Variants in MEI4 observed in about 807,000 individuals in gnomAD.
The protein encoded by MEI4 is meiosis-specific protein MEI4.
MEI4 carries 27 observed loss-of-function variants against 31.4 expected under a neutral mutation model. The observed-to-expected ratio is 0.86, with a 90% CI of 0.63 to 1.19. The LOEUF (loss-of-function observed/expected upper bound fraction) is 1.19, where lower values mean the gene tolerates loss of function less well. MEI4 is among the 50% of genes most tolerant of loss of function. The probability of loss-of-function intolerance (pLI) is 0.00; values close to 1 mark genes in which losing one functional copy is unlikely to be tolerated. For synonymous variants in MEI4, 122 were observed against 145.4 expected (o/e 0.84, Z 1.16); for missense variants, 329 against 398.9 (o/e 0.82, Z 1.49).
rs1317337500 is a variant in MEI4 at position 77,924,108 on chromosome 6, A to G, written c.*762A>G. 1 of 151,822 alleles carries G rather than the reference A, an allele frequency of 6.6e-6. No individual in the cohort carries two copies. The highest frequency in any genetic ancestry group is 2.1e-4 in the South Asian group (1 of 4,828). The allele number at this position is 151,822 out of a possible 1,614,324, so 9.4% of individuals were successfully genotyped here. On this transcript the variant is annotated 3_prime_UTR_variant, in exon 5 of 5. Transcript: ENST00000684080. ...TAATATCCATCTAAAAGTGAAATTT[A>G]TAGTTATTTGGTGGAATTTTTCAGT...
At chr6:77,678,554 A>ACAATGTTATAGCCCCAGCACATTGCGTAC (rs58196034) in intron 1 of MEI4, among the ~76,000 whole-genome samples, 2 of 151,934 alleles carry the variant, frequency 1.3e-5, no homozygotes, top group Non-Finnish European at 2.9e-5. Context: ...AGGAGCCATC[A>ACAATGTTATAGCCCCAGCACATTGCGTAC]ATGTTTGTGG....
At chr6:77,651,374 T>G (rs1768295159), upstream of MEI4, among the ~76,000 whole-genome samples, 1 of 152,218 alleles carries the variant, frequency 6.6e-6, no homozygotes, top group Admixed American at 6.5e-5. Context: ...GGTTTTAAAG[T>G]CTGGAATTGC....
At chr6:77,807,152 T>C (rs942597353) in intron 3 of MEI4, among the ~76,000 whole-genome samples, 6 of 152,046 alleles carry the variant, frequency 3.9e-5, no homozygotes, top group Admixed American at 1.3e-4. Flanking sequence ...CATAAGTTTT[T>C]TTTTTTTTTT....
chr6:77,742,130 A>G (rs974272203), intron 2 of MEI4, among the ~76,000 whole-genome samples: 22 of 152,116 alleles, frequency 1.4e-4, no homozygotes, highest in Non-Finnish European at 2.9e-5. Context: ...TTTGGGGTAT[A>G]TACCCAGTAG....
intron 4 of MEI4, among the ~76,000 whole-genome samples, chr6:77,831,201 A>G (rs1201134483): frequency 1.3e-5 from 2 of 151,858 alleles, no homozygotes; most frequent in Non-Finnish European, 2.9e-5. Flanking sequence ...AATCAAAACC[A>G]CAATGAGATA....
chr6:77,790,171 C>T (rs1182344139), intron 3 of MEI4, among the ~76,000 whole-genome samples: 1 of 148,154 alleles, frequency 6.7e-6, no homozygotes, highest in Non-Finnish European at 1.5e-5. Flanking sequence ...GCAAACACCG[C>T]ATGTTCTCAC....
chr6:77,816,354 C>T (rs952411048), intron 3 of MEI4, among the ~76,000 whole-genome samples: 7 of 152,038 alleles, frequency 4.6e-5, no homozygotes, highest in Non-Finnish European at 7.4e-5. Flanking sequence ...TTAATTTAAT[C>T]GATAGTACAC....
chr6:77,800,084 G>A (rs1001650728), intron 3 of MEI4, among the ~76,000 whole-genome samples: 8 of 152,048 alleles, frequency 5.3e-5, no homozygotes, highest in African/African-American at 1.7e-4. Context: ...ATTACCTTGG[G>A]CAGTATGGCC....
intron 3 of MEI4, among the ~76,000 whole-genome samples, chr6:77,810,629 A>G (rs1164947578): frequency 5.9e-5 from 9 of 152,172 alleles, no homozygotes; most frequent in Non-Finnish European, 4.4e-5. Flanking sequence ...AAGTAATTAA[A>G]ACTCAGACTT....
chr6:77,748,522 T>C (rs1189322051), intron 2 of MEI4, among the ~76,000 whole-genome samples: 1 of 152,182 alleles, frequency 6.6e-6, no homozygotes, highest in East Asian at 1.9e-4. Context: ...AGTGTGGTCC[T>C]GGGCCTAGCC....
At chr6:77,865,240 A>T (rs189229094) in intron 4 of MEI4, among the ~76,000 whole-genome samples, 2,018 of 152,252 alleles carry the variant, frequency 0.013, 17 homozygotes, top group Non-Finnish European at 0.021. Flanking sequence ...TCAGAGCAGA[A>T]CTGAAGGAGA....
intron 3 of MEI4, among the ~76,000 whole-genome samples, chr6:77,784,094 A>G (rs1045855026): frequency 3.3e-5 from 5 of 152,132 alleles, no homozygotes; most frequent in Admixed American, 2.0e-4. Context: ...TTAAATAGTG[A>G]TGCATGAATC....
At chr6:77,883,743 T>TATACATATATATATATATATATATATAA (rs1194476390) in intron 4 of MEI4, among the ~76,000 whole-genome samples, 26 of 131,710 alleles carry the variant, frequency 2.0e-4, no homozygotes, top group African/African-American at 8.3e-4. Flanking sequence ...TATATATATA[T>TATACATATATATATATATATATATATAA]AACTTTGTCT....
At chr6:77,869,595 G>C (rs1771144994) in intron 4 of MEI4, among the ~76,000 whole-genome samples, 1 of 152,068 alleles carries the variant, frequency 6.6e-6, no homozygotes, top group South Asian at 2.1e-4. Flanking sequence ...TCTTGGTCTT[G>C]GGCTTCCAGT....
At chr6:77,810,718 A>T (rs1769557002) in intron 3 of MEI4, among the ~76,000 whole-genome samples, 2 of 152,164 alleles carry the variant, frequency 1.3e-5, no homozygotes, top group Non-Finnish European at 2.9e-5. Context: ...AATTTATAAT[A>T]ATCAAAGGTT....
intron 4 of MEI4, among the ~76,000 whole-genome samples, chr6:77,857,889 A>T (rs1236709357): frequency 6.6e-6 from 1 of 152,196 alleles, no homozygotes; most frequent in Non-Finnish European, 1.5e-5. Context: ...GTGCATAGTG[A>T]TGTTCAAGTC....
intron 1 of MEI4, among the ~76,000 whole-genome samples, chr6:77,657,700 C>T (rs1346298210): frequency 6.6e-6 from 1 of 152,142 alleles, no homozygotes; most frequent in African/African-American, 2.4e-5. Flanking sequence ...ACCCCAACTT[C>T]CCTACCCTAT....
At chr6:77,883,717 G>GAGATATATATATATAT (rs1554172068) in intron 4 of MEI4, among the ~76,000 whole-genome samples, 10 of 43,324 alleles carry the variant, frequency 2.3e-4, no homozygotes, top group African/African-American at 1.5e-3. Flanking sequence ...TATTATGTAA[G>GAGATATATATATATAT]ATATATATAT....
chr6:77,889,100 C>T (rs949523137), intron 4 of MEI4, among the ~76,000 whole-genome samples: 7 of 152,164 alleles, frequency 4.6e-5, no homozygotes, highest in Non-Finnish European at 4.4e-5. Flanking sequence ...AGCATTAAAA[C>T]ATAAATCGAT....
Sources: gnomAD v4.1 joint callset for allele counts (sites outside exome capture counted in the v4.1 genomes callset) on GRCh38, gnomAD v4.1.1 for gene constraint, MANE v1.5 for transcripts, NCBI Gene and HGNC (gene_info 2026-07-23, HGNC 2026-07-21) for gene names.